The following PPIE variants were observed in gnomAD, a reference collection of about 807,000 sequenced individuals.
PPIE encodes the protein peptidyl-prolyl cis-trans isomerase E.
PPIE carries 20 observed loss-of-function variants against 38.4 expected under a neutral mutation model. The ratio of observed to expected loss-of-function variants is 0.52; its 90% CI spans 0.37 to 0.76. The LOEUF is 0.76. Ranked by LOEUF, PPIE falls within the 30% of genes least tolerant of loss-of-function variation. The pLI, the probability that PPIE is intolerant of heterozygous loss-of-function variation, is 0.00. For synonymous variants in PPIE, 142 were observed against 135.7 expected (o/e 1.05, Z -0.32); for missense variants, 322 against 385.8 (o/e 0.83, Z 1.39).
In PPIE at chr1:39,755,681, C is replaced by G; in HGVS notation, c.*2326C>G. On this transcript the variant is annotated 3_prime_UTR_variant, in exon 10 of 10. Transcript: ENST00000324379. The stretch of plus-strand genomic sequence containing the variant: ...AGACTCCTGTGACAACCTTGTCACT[C>G]TGTTCCTCCCTGATACTCTGGGGAG... 1.0e-6 allele frequency: 1 copy of G among 985,442 alleles called. No homozygotes were observed. The highest frequency in any genetic ancestry group is 1.2e-6 in the Non-Finnish European group (1 of 829,934). 61.0% of individuals were successfully genotyped at this position (985,442 alleles called of 1,614,324 possible).
chr1:39,743,013 G>A (rs1647100538), intron 4 of PPIE: 1 of 517,266 alleles, frequency 1.9e-6, no homozygotes, highest in Non-Finnish European at 3.5e-6. Flanking sequence ...GGTAATACAG[G>A]TCTTTGTGTG....
intron 9 of PPIE, 42 bp from the exon 10 acceptor site, chr1:39,753,245 T>TA: frequency 6.2e-7 from 1 of 1,610,696 alleles, no homozygotes; most frequent in African/African-American, 1.3e-5. Flanking sequence ...AAACCACTGT[T>TA]AGTCTCCGGC....
chr1:39,739,129 G>T, intron 1 of PPIE, 198 bp downstream of exon 1: 1 of 503,156 alleles, frequency 2.0e-6, no homozygotes, highest in Non-Finnish European at 3.2e-6. Context: ...AAAAAGTGCA[G>T]ACTTCTTAGC....
intron 7 of PPIE, 188 bp downstream of exon 7, chr1:39,745,686 G>T: frequency 1.3e-6 from 1 of 787,992 alleles, no homozygotes; most frequent in South Asian, 2.4e-5. Flanking sequence ...CTTTATAAGT[G>T]CTGGCTTACT....
At chr1:39,750,131 C>A in intron 8 of PPIE, among the ~76,000 whole-genome samples, 1 of 151,748 alleles carries the variant, frequency 6.6e-6, no homozygotes, top group African/African-American at 2.4e-5. Flanking sequence ...GAAACTCCGT[C>A]TCGGAAAAAA....
downstream of PPIE, among the ~76,000 whole-genome samples, chr1:39,756,964 T>G (rs1648340844): frequency 6.6e-6 from 1 of 152,222 alleles, no homozygotes; most frequent in Admixed American, 6.5e-5. Flanking sequence ...AGTTCCCCCA[T>G]GCAAATTGCC....
chr1:39,739,005 A>G, intron 1 of PPIE, 74 bp downstream of exon 1: 1 of 1,357,148 alleles, frequency 7.4e-7, no homozygotes, highest in Non-Finnish European at 9.6e-7. Flanking sequence ...GGTGGGACGC[A>G]TCTCTGAACC....
chr1:39,741,515 G>T (rs1647057173), intron 3 of PPIE, 106 bp downstream of exon 3: 1 of 1,164,432 alleles, frequency 8.6e-7, no homozygotes. Context: ...TTAGGCTGAT[G>T]CTTCCAGAGA....
Position 39,754,849 on chromosome 1 carries a change from AC to A in PPIE, c.*1497del, listed in dbSNP as rs2124377830. Among the ~76,000 whole-genome samples the A allele has an allele frequency of 1.3e-5, 2 of 152,104 alleles. No homozygotes were observed. The highest frequency in any genetic ancestry group is 4.2e-4 in the South Asian group (2 of 4,816). ...CTCCAGCCTGGGTGACAAGAGGGAG[AC>A]CCTGTCTTGAAAAAAAGAAACCATC... On this transcript the variant is annotated 3_prime_UTR_variant, in exon 10 of 10. Coordinates refer to ENST00000324379, the MANE Select transcript of PPIE (RefSeq NM_006112.4).
chr1:39,742,624 G>A (rs1647091324), intron 4 of PPIE: 1 of 150,306 alleles, frequency 6.7e-6, no homozygotes, highest in Non-Finnish European at 1.5e-5. Context: ...TTTCTACCAA[G>A]TTACATTTCT....
At chr1:39,742,098 C>A in intron 4 of PPIE, 177 bp downstream of exon 4, 2 of 622,730 alleles carry the variant, frequency 3.2e-6, no homozygotes, top group Non-Finnish European at 5.6e-6. Context: ...CTTACTCAGA[C>A]TCCTTCGCCA....
intron 4 of PPIE, 100 bp from the exon 5 acceptor site, chr1:39,743,116 G>C: frequency 9.5e-7 from 1 of 1,056,534 alleles, no homozygotes; most frequent in South Asian, 1.4e-5. Flanking sequence ...AGGGATTAAG[G>C]GAGGACAAAT....
At chr1:39,762,994 A>AGCAGGTG (rs1649217691) in intron 9 of PPIE, 2 of 1,414,940 alleles carry the variant, frequency 1.4e-6, no homozygotes, top group East Asian at 4.6e-5. Context: ...TGAGACGCGG[A>AGCAGGTG]GCAGGTGGCC....
chr1:39,762,470 T>C, intron 9 of PPIE: 1 of 1,522,448 alleles, frequency 6.6e-7, no homozygotes, highest in Non-Finnish European at 8.8e-7. Flanking sequence ...CACTCAACAG[T>C]GAGCAGCACC....
intron 4 of PPIE, chr1:39,742,490 CTTTTTTTTT>C (rs5773671): frequency 9.3e-6 from 1 of 107,296 alleles, no homozygotes; most frequent in Admixed American, 9.5e-5. Flanking sequence ...TTCTTTCTTT[CTTTTTTTTT>C]TTTTTTTTTT....
In PPIE at chr1:39,763,867, G is replaced by A. The variant is rs1050555897; in HGVS notation, c.*125G>A. 6.8e-6 allele frequency: 10 copies of A among 1,472,572 alleles called. No individual in the cohort carries two copies. In the African/African-American group the frequency reaches 1.5e-4, roughly 22 times the overall value. The allele number at this position is 1,472,572 out of a possible 1,614,324, so 91.2% of individuals were successfully genotyped here. On this transcript the variant is annotated 3_prime_UTR_variant, in exon 10 of 10. Transcript: ENST00000356511. ...GCTACTATGGGGTACCAGGGTGGGG[G>A]ATGCCCTGATGAGCACATTTGTCAA...
intron 7 of PPIE, chr1:39,746,306 T>C (rs1213930154): frequency 6.6e-6 from 1 of 152,218 alleles, no homozygotes; most frequent in African/African-American, 2.4e-5. Flanking sequence ...GAATTGATAA[T>C]TGCCTTGTTT....
intron 8 of PPIE, among the ~76,000 whole-genome samples, chr1:39,752,150 C>T (rs1308096323): frequency 6.6e-6 from 1 of 152,096 alleles, no homozygotes; most frequent in African/African-American, 2.4e-5. Flanking sequence ...GGACACCAAC[C>T]CCACTGAGAA....
Position 39,753,458 on chromosome 1 carries a change from A to G in PPIE, c.*103A>G. ...GCACCGAGGGTGCCTGTTTGAAGCA[A>G]GCAGCATTTGGGATATGTGCCCTTC... On this transcript the variant is annotated 3_prime_UTR_variant, in exon 10 of 10. Transcript: ENST00000324379. The G allele has an allele frequency of 6.5e-7, 1 of 1,539,164 alleles. No individual in the cohort carries two copies. Among genetic ancestry groups the G allele is most frequent in the East Asian group, 2.3e-5 (1 of 43,852 alleles).
Sources: gnomAD v4.1 joint callset for allele counts (sites outside exome capture counted in the v4.1 genomes callset) on GRCh38, gnomAD v4.1.1 for gene constraint, MANE v1.5 for transcripts, NCBI Gene and HGNC (gene_info 2026-07-23, HGNC 2026-07-21) for gene names.